Variants in NAV1 observed in about 807,000 individuals in gnomAD.
NAV1 encodes pore membrane and/or filament interacting like protein 3.
In NAV1, 18 loss-of-function variants were observed where a neutral mutation model predicts 175.2. The observed-to-expected ratio is 0.10, with a 90% CI of 0.07 to 0.15. The LOEUF (loss-of-function observed/expected upper bound fraction) is 0.15. NAV1 is among the 10% of genes least tolerant of loss of function. The pLI is 1.00. For missense variants in NAV1, 1,731 were observed against 2,436.6 expected (o/e 0.71, Z 6.10); for synonymous variants, 897 against 978.7 (o/e 0.92, Z 1.56).
intron 3 of NAV1, among the ~76,000 whole-genome samples, chr1:201,742,872 G>GC (rs34206013): frequency 0.34 from 51,477 of 151,822 alleles, 9,614 homozygotes; most frequent in Non-Finnish European, 0.42. Context: ...TTCCTGCAAA[G>GC]CCCCTGCCCT....
At chr1:201,561,155 G>A (rs577951620) in intron 1 of NAV1, among the ~76,000 whole-genome samples, 64 of 152,310 alleles carry the variant, frequency 4.2e-4, no homozygotes, top group Non-Finnish European at 7.3e-4. Context: ...TGGAGGATGG[G>A]AGCTCCTTTG....
rs968897136 is a variant in NAV1 at position 201,740,629 on chromosome 1, T to C, written c.1226+21874T>C. 6.6e-6 allele frequency among the ~76,000 whole-genome samples: 1 copy of C among 151,944 alleles called. No homozygotes were observed. The highest frequency in any genetic ancestry group is 2.1e-4 in the South Asian group (1 of 4,802). ...AACGGGGGAGGGAGGGGACGTTGAA[T>C]TTGTGACCGTACTGCTGGCTGGATA... On this transcript the variant is annotated intron_variant, in intron 3 of 29. Coordinates refer to ENST00000367296, the Ensembl canonical transcript of NAV1. The surrounding 1 kb of genome is among the most constrained non-coding windows in gnomAD (Gnocchi z 4.7).
intron 1 of NAV1, among the ~76,000 whole-genome samples, chr1:201,709,013 A>T (rs2102462143): frequency 6.6e-6 from 1 of 152,100 alleles, no homozygotes; most frequent in East Asian, 1.9e-4. Flanking sequence ...GCCAGGCGTG[A>T]TGGGGCATGC....
Position 201,539,971 on chromosome 1 carries a change from G to A in NAV1, c.-144+629G>A, listed in dbSNP as rs905176218. 1.3e-5 allele frequency among the ~76,000 whole-genome samples: 2 copies of A among 152,260 alleles called. No homozygotes were observed. Among genetic ancestry groups the A allele is most frequent in the African/African-American group, 4.8e-5 (2 of 41,480 alleles). On this transcript the variant is annotated intron_variant, in intron 1 of 33. Coordinates refer to the NAV1 transcript ENST00000685211. The surrounding 1 kb of genome is among the most constrained non-coding windows in gnomAD (Gnocchi z 5.6). ...GAGCGGAGAAAGTGGTCCCGGAGGA[G>A]AGGGGAGAGAGGAGAACGCAGAAAT...
At chr1:201,756,514 C>A (rs1232782068) in intron 3 of NAV1, among the ~76,000 whole-genome samples, 1 of 152,194 alleles carries the variant, frequency 6.6e-6, no homozygotes, top group Non-Finnish European at 1.5e-5. Flanking sequence ...AACATTTGGT[C>A]TCTCTGGCCA....
At chr1:201,800,297 A>G (rs890622345) in intron 15 of NAV1, among the ~76,000 whole-genome samples, 2 of 152,238 alleles carry the variant, frequency 1.3e-5, no homozygotes, top group Admixed American at 6.5e-5. Context: ...CACCACACCC[A>G]GCCCCTTTAT....
intron 1 of NAV1, among the ~76,000 whole-genome samples, chr1:201,699,508 A>T (rs546273574): frequency 6.6e-6 from 1 of 152,238 alleles, no homozygotes; most frequent in Non-Finnish European, 1.5e-5. Context: ...GAAAATGGCC[A>T]TACTGCCCAA....
chr1:201,603,240 G>A lies in NAV1; in HGVS notation c.-33+14591G>A, dbSNP rs116068653. On this transcript the variant is annotated intron_variant, in intron 2 of 33. Transcript: ENST00000685211. Reference sequence around the variant, plus strand: ...GTCCCAAAAGATTTTACGGTTTCCTGGGAGGCATCCAGTATTTTGCCAAAG... The same window carrying A: ...GTCCCAAAAGATTTTACGGTTTCCTAGGAGGCATCCAGTATTTTGCCAAAG... Among the ~76,000 whole-genome samples, 1,017 of 152,242 alleles carry A rather than the reference G, an allele frequency of 6.7e-3. 13 individuals carry two copies. Among genetic ancestry groups the A allele is most frequent in the African/African-American group, 0.024 (979 of 41,524 alleles).
chr1:201,702,957 G>T (rs1671501836), intron 1 of NAV1, among the ~76,000 whole-genome samples: 2 of 152,164 alleles, frequency 1.3e-5, no homozygotes, highest in African/African-American at 4.8e-5. Context: ...TGCTAGAATA[G>T]TGCCTGGTAC....
intron 3 of NAV1, among the ~76,000 whole-genome samples, chr1:201,729,765 G>A (rs946130699): frequency 6.6e-6 from 1 of 152,076 alleles, no homozygotes; most frequent in Non-Finnish European, 1.5e-5. Flanking sequence ...AATTAGCCGG[G>A]TGTGGTGGCG....
At chr1:201,729,280 A>G (rs1035809548) in intron 3 of NAV1, among the ~76,000 whole-genome samples, 29 of 152,244 alleles carry the variant, frequency 1.9e-4, no homozygotes, top group Admixed American at 4.6e-4. Flanking sequence ...AAAGCTGTTT[A>G]TCTATTTTAA....
chr1:201,731,491 C>T (rs1326970076), intron 3 of NAV1, among the ~76,000 whole-genome samples: 1 of 152,126 alleles, frequency 6.6e-6, no homozygotes, highest in African/African-American at 2.4e-5. Context: ...CCAGCCTACC[C>T]CCCTTCTCCT....
intron 3 of NAV1, among the ~76,000 whole-genome samples, chr1:201,766,978 C>G (rs1675249402): frequency 6.6e-6 from 1 of 151,714 alleles, no homozygotes; most frequent in African/African-American, 2.4e-5. Context: ...CGCACCACCA[C>G]ACCCAGCTAA....
chr1:201,685,946 AC>A (rs1670668467), intron 1 of NAV1, among the ~76,000 whole-genome samples: 5 of 152,130 alleles, frequency 3.3e-5, no homozygotes, highest in Admixed American at 2.0e-4. Context: ...GAACTAAAAT[AC>A]CCCTGAATGC....
chr1:201,609,562 T>A (rs1057479031), intron 2 of NAV1, among the ~76,000 whole-genome samples: 2 of 152,260 alleles, frequency 1.3e-5, no homozygotes, highest in Admixed American at 6.5e-5. Context: ...GGAAAACCCA[T>A]CCATGCAGAA....
chr1:201,808,633 G>A lies in NAV1; in HGVS notation c.4038+23G>A. 1 of 1,614,242 alleles carries A rather than the reference G, an allele frequency of 6.2e-7. No homozygotes were observed. The highest frequency in any genetic ancestry group is 8.5e-7 in the Non-Finnish European group (1 of 1,180,040). On this transcript the variant is annotated intron_variant, in intron 19 of 29. Transcript: ENST00000367296. This position sits in a 1 kb window ranked among gnomAD's most constrained non-coding sequence, Gnocchi z 5.5. ...CAGGTCAGTGTCTGGGCGGACAGCT[G>A]CAGGAAAGGGAAGACCAAGGCTTGC...
chr1:201,685,321 G>A (rs1168710982), intron 1 of NAV1, among the ~76,000 whole-genome samples: 1 of 152,196 alleles, frequency 6.6e-6, no homozygotes, highest in Non-Finnish European at 1.5e-5. Flanking sequence ...CAAAGGCTGA[G>A]AAACACTGTA....
rs182119531 is a variant in NAV1, at chr1:201,635,325, G to A, written c.4+5818G>A. 1.6e-3 allele frequency among the ~76,000 whole-genome samples: 243 copies of A among 152,236 alleles called. 1 individual carries two copies. Among genetic ancestry groups the A allele is most frequent in the African/African-American group, 5.4e-3 (226 of 41,538 alleles). Reference sequence around the variant, plus strand: ...CTCCCAAAGTGCCAGGATTACAGGCGTGAGCCATTGCACCCAACCCATTTG... The same window carrying A: ...CTCCCAAAGTGCCAGGATTACAGGCATGAGCCATTGCACCCAACCCATTTG... On this transcript the variant is annotated intron_variant, in intron 2 of 29. Coordinates refer to the NAV1 transcript ENST00000367302.
upstream of NAV1, among the ~76,000 whole-genome samples, chr1:201,645,605 T>C (rs577132824): frequency 1.8e-4 from 28 of 151,990 alleles, no homozygotes; most frequent in Admixed American, 1.6e-3. Context: ...CCTACAGACA[T>C]GGGTGTCAGA....
Sources: gnomAD v4.1 joint callset for allele counts (sites outside exome capture counted in the v4.1 genomes callset) on GRCh38, gnomAD v4.1.1 for gene constraint, Gnocchi (gnomAD v3.1) non-coding constraint, MANE v1.5 for transcripts, NCBI Gene and HGNC (gene_info 2026-07-23, HGNC 2026-07-21) for gene names.